Variants in ROR1 observed in about 807,000 individuals in gnomAD.
ROR1 encodes the protein inactive tyrosine-protein kinase transmembrane receptor ROR1.
ROR1 carries 19 observed loss-of-function variants against 78.8 expected under a neutral mutation model. The ratio of observed to expected loss-of-function variants is 0.24; its 90% confidence interval spans 0.17 to 0.35. ROR1 has a LOEUF of 0.35. Among genes scored for constraint, ROR1 ranks in the 10% least tolerant of loss-of-function variants. The pLI, the probability that ROR1 is intolerant of heterozygous loss-of-function variation, is 1.00. For synonymous variants in ROR1, 386 were observed against 433.6 expected (o/e 0.89, Z 1.36); for missense variants, 917 against 1,177.8 (o/e 0.78, Z 3.24).
Position 64,178,342 on chromosome 1 carries a change from C to G in ROR1, c.2301C>G (p.Thr767=). 1.9e-6 allele frequency: 3 copies of G among 1,614,124 alleles called. No homozygotes were observed. In the South Asian group the frequency reaches 3.3e-5, roughly 18 times the overall value. Residue 767 remains threonine (T), a synonymous_variant, in exon 9 of 9, where the codon ACC becomes ACG. Coordinates refer to ENST00000371079, the MANE Select transcript of ROR1 (RefSeq NM_005012.4). The surrounding 1 kb of genome is among the most constrained non-coding windows in gnomAD (Gnocchi z 4.3). ...CTACTCCTTCAGGGGGAAATGCCAC[C>G]ACACAGACAACCTCCCTCAGTGCCA... The part of the protein sequence containing the change: ...SSTTPSGGNA[T]TQTTSLSASP...
chr1:64,137,075 A>G (rs571107911), intron 4 of ROR1, among the ~76,000 whole-genome samples: 8 of 152,294 alleles, frequency 5.3e-5, no homozygotes, highest in Admixed American at 3.3e-4. Context: ...CTTTACTCCT[A>G]TAACTACATC....
chr1:63,922,385 C>CA (rs1645663027), intron 1 of ROR1, among the ~76,000 whole-genome samples: 1 of 152,122 alleles, frequency 6.6e-6, no homozygotes, highest in African/African-American at 2.4e-5. Context: ...TTTAGTAGGT[C>CA]AAAACACGTG....
At chr1:64,055,591 C>A (rs1569641748) in intron 4 of ROR1, among the ~76,000 whole-genome samples, 2 of 152,216 alleles carry the variant, frequency 1.3e-5, no homozygotes, top group Admixed American at 1.3e-4. Flanking sequence ...GCACTCATTG[C>A]CAGATCCCAA....
chr1:64,173,169 G>A (rs149847682), intron 8 of ROR1, among the ~76,000 whole-genome samples: 1 of 152,260 alleles, frequency 6.6e-6, no homozygotes, highest in African/African-American at 2.4e-5. Context: ...TTTGCTGGCA[G>A]CTGCACAGGT....
At chr1:63,965,650 A>G (rs1282288482) in intron 1 of ROR1, among the ~76,000 whole-genome samples, 1 of 152,132 alleles carries the variant, frequency 6.6e-6, no homozygotes, top group Non-Finnish European at 1.5e-5. Context: ...AAGTGTTTAA[A>G]GCATTATTTT....
At chr1:64,019,201 G>T (rs1646545183) in intron 2 of ROR1, among the ~76,000 whole-genome samples, 1 of 152,172 alleles carries the variant, frequency 6.6e-6, no homozygotes, top group East Asian at 1.9e-4. Context: ...CTTGTAGTTT[G>T]ACTCTTCATG....
chr1:63,776,737 A>G (rs938260174), intron 1 of ROR1, among the ~76,000 whole-genome samples: 1 of 152,114 alleles, frequency 6.6e-6, no homozygotes, highest in African/African-American at 2.4e-5. Flanking sequence ...TGAGTATAAA[A>G]CAATATAAAA....
At chr1:63,913,889 G>A (rs1160974298) in intron 1 of ROR1, among the ~76,000 whole-genome samples, 1 of 152,118 alleles carries the variant, frequency 6.6e-6, no homozygotes, top group Non-Finnish European at 1.5e-5. Flanking sequence ...TTAAAACGCC[G>A]TCCTCACACG....
intron 1 of ROR1, among the ~76,000 whole-genome samples, chr1:63,868,309 T>C (rs187821628): frequency 1.3e-5 from 2 of 152,296 alleles, no homozygotes; most frequent in Admixed American, 6.5e-5. Context: ...AGGGATTACT[T>C]AAAGCATCAA....
At chr1:64,076,863 A>G (rs1480243505) in intron 4 of ROR1, among the ~76,000 whole-genome samples, 4 of 152,192 alleles carry the variant, frequency 2.6e-5, no homozygotes, top group Non-Finnish European at 5.9e-5. Context: ...TATTTTTTAT[A>G]TTAATAATGG....
chr1:63,857,833 T>A (rs533280107), intron 1 of ROR1, among the ~76,000 whole-genome samples: 1 of 152,298 alleles, frequency 6.6e-6, no homozygotes, highest in Non-Finnish European at 1.5e-5. Context: ...AAGGTGACTC[T>A]GGAGCCCCAC....
intron 1 of ROR1, among the ~76,000 whole-genome samples, chr1:63,959,779 C>T (rs1224445128): frequency 6.6e-6 from 1 of 152,152 alleles, no homozygotes; most frequent in East Asian, 1.9e-4. Flanking sequence ...CCTCCTTACC[C>T]TTCCAAGTCC....
intron 2 of ROR1, among the ~76,000 whole-genome samples, chr1:64,031,588 G>C (rs1951853): frequency 0.065 from 9,929 of 152,276 alleles, 469 homozygotes; most frequent in African/African-American, 0.14. Context: ...TCCCAGTTGG[G>C]AAGTTTATGA....
At chr1:64,106,488 A>G (rs948719276) in intron 4 of ROR1, 3 of 152,220 alleles carry the variant, frequency 2.0e-5, no homozygotes, top group African/African-American at 4.8e-5. Flanking sequence ...CAAAACTTCA[A>G]TACTATGTTG....
At chr1:64,004,745 T>C (rs1304292123) in intron 1 of ROR1, among the ~76,000 whole-genome samples, 1 of 152,160 alleles carries the variant, frequency 6.6e-6, no homozygotes, top group Non-Finnish European at 1.5e-5. Flanking sequence ...CTTTTATCAA[T>C]GAGGAGGATT....
intron 4 of ROR1, among the ~76,000 whole-genome samples, chr1:64,055,777 A>G (rs1397038478): frequency 6.6e-6 from 1 of 152,202 alleles, no homozygotes; most frequent in Non-Finnish European, 1.5e-5. Flanking sequence ...TTTTTACTAT[A>G]TTCACAAAAT....
chr1:64,104,693 T>C (rs575044473), intron 4 of ROR1, among the ~76,000 whole-genome samples: 1 of 152,228 alleles, frequency 6.6e-6, no homozygotes, highest in South Asian at 2.1e-4. Flanking sequence ...CTGCCACTTA[T>C]GAGTGAGAAC....
intron 1 of ROR1, among the ~76,000 whole-genome samples, chr1:63,911,817 CAA>C (rs2100417502): frequency 6.6e-6 from 1 of 152,208 alleles, no homozygotes; most frequent in African/African-American, 2.4e-5. Flanking sequence ...TGGACCTGTA[CAA>C]GAGATATGCT....
chr1:63,890,622 A>T (rs558002069), intron 1 of ROR1, among the ~76,000 whole-genome samples: 1 of 152,094 alleles, frequency 6.6e-6, no homozygotes, highest in Admixed American at 6.6e-5. Flanking sequence ...TTGGGTGATG[A>T]TGGATCTAGA....
Sources: allele counts gnomAD v4.1 joint callset (sites outside exome capture counted in the v4.1 genomes callset), GRCh38; gene constraint gnomAD v4.1.1; non-coding constraint Gnocchi (gnomAD v3.1); transcripts MANE v1.5; gene names NCBI Gene and HGNC (gene_info 2026-07-23, HGNC 2026-07-21).